Variants in KCTD8 observed in about 807,000 individuals in gnomAD.
The protein encoded by KCTD8 is BTB/POZ domain-containing protein KCTD8.
A neutral mutation model predicts 31.5 loss-of-function variants in KCTD8; 27 were observed. The observed-to-expected ratio is 0.86, with a 90% confidence interval of 0.63 to 1.18. KCTD8 has a LOEUF of 1.18. KCTD8 is among the 50% of genes most tolerant of loss of function. The probability of loss-of-function intolerance (pLI) is 0.00; values close to 1 mark genes in which losing one functional copy is unlikely to be tolerated. For synonymous variants in KCTD8, 290 were observed against 280.0 expected (o/e 1.04, Z -0.36); for missense variants, 658 against 647.7 (o/e 1.02, Z -0.17).
chr4:44,333,122 T>C (rs1352990986), intron 1 of KCTD8, among the ~76,000 whole-genome samples: 1 of 152,066 alleles, frequency 6.6e-6, no homozygotes, highest in Non-Finnish European at 1.5e-5. Context: ...AGTTCCTTCA[T>C]TATAATCATA....
At chr4:44,215,909 A>G (rs1714633961) in intron 1 of KCTD8, among the ~76,000 whole-genome samples, 2 of 152,218 alleles carry the variant, frequency 1.3e-5, no homozygotes, top group African/African-American at 4.8e-5. Flanking sequence ...ACATGTAATA[A>G]GAAGCTTTAA....
intron 1 of KCTD8, among the ~76,000 whole-genome samples, chr4:44,270,807 A>G (rs1716574116): frequency 6.6e-6 from 1 of 152,150 alleles, no homozygotes; most frequent in Non-Finnish European, 1.5e-5. Context: ...TCATGTCAAG[A>G]TGATTACAAT....
rs1577808880 is a variant in KCTD8, at chr4:44,174,731, G to C, written c.*59C>G. ...TGACCATTGTTAGGACATCAGTCAG[G>C]TGGTGACACTGTAGTAAACATTGAA... On this transcript the variant is annotated 3_prime_UTR_variant, in exon 2 of 2. Coordinates refer to ENST00000360029, the MANE Select transcript of KCTD8 (RefSeq NM_198353.3). The C allele has an allele frequency of 1.6e-6, 2 of 1,268,580 alleles. No individual in the cohort carries two copies. Among genetic ancestry groups the C allele is most frequent in the East Asian group, 4.6e-5 (2 of 43,210 alleles). The allele number at this position is 1,268,580 out of a possible 1,614,324, so 78.6% of individuals were successfully genotyped here.
At chr4:44,242,288 T>G (rs1423887455) in intron 1 of KCTD8, among the ~76,000 whole-genome samples, 2 of 152,200 alleles carry the variant, frequency 1.3e-5, no homozygotes, top group African/African-American at 4.8e-5. Flanking sequence ...GTTAAAAAAC[T>G]TGTTGATAGG....
intron 1 of KCTD8, among the ~76,000 whole-genome samples, chr4:44,366,487 T>A (rs1422169818): frequency 6.6e-6 from 1 of 152,250 alleles, no homozygotes; most frequent in Non-Finnish European, 1.5e-5. Context: ...CCTTCTGCTA[T>A]GATTTTAAGT....
At chr4:44,230,308 C>G (rs996194439) in intron 1 of KCTD8, among the ~76,000 whole-genome samples, 1 of 152,170 alleles carries the variant, frequency 6.6e-6, no homozygotes. Context: ...GCCATTTGTT[C>G]TGCCCACGAC....
At chr4:44,233,575 A>T (rs1284737073) in intron 1 of KCTD8, among the ~76,000 whole-genome samples, 1 of 152,172 alleles carries the variant, frequency 6.6e-6, no homozygotes, top group Admixed American at 6.5e-5. Context: ...AGATATGATG[A>T]ACTGAAGGAC....
chr4:44,350,543 C>T (rs1359557572), intron 1 of KCTD8, among the ~76,000 whole-genome samples: 1 of 152,016 alleles, frequency 6.6e-6, no homozygotes, highest in African/African-American at 2.4e-5. Context: ...AATAGCAGCT[C>T]CTAAAAAGTA....
chr4:44,408,192 A>G (rs2109461602), intron 1 of KCTD8, among the ~76,000 whole-genome samples: 1 of 152,320 alleles, frequency 6.6e-6, no homozygotes. Context: ...GCCTAATTCT[A>G]TACCCAATGA....
At chr4:44,301,755 C>T (rs1042695090) in intron 1 of KCTD8, among the ~76,000 whole-genome samples, 1 of 152,136 alleles carries the variant, frequency 6.6e-6, no homozygotes. Flanking sequence ...GCTTTTGTTG[C>T]CATTGCTTTT....
At chr4:44,202,070 C>G (rs1714166118) in intron 1 of KCTD8, among the ~76,000 whole-genome samples, 1 of 151,912 alleles carries the variant, frequency 6.6e-6, no homozygotes, top group Admixed American at 6.6e-5. Context: ...AAAGACAAGT[C>G]AATCAAAACC....
chr4:44,366,386 C>T (rs1017206710), intron 1 of KCTD8, among the ~76,000 whole-genome samples: 6 of 152,126 alleles, frequency 3.9e-5, no homozygotes, highest in African/African-American at 1.4e-4. Context: ...TGAGTTCTCA[C>T]AAGATCTGAT....
intron 1 of KCTD8, among the ~76,000 whole-genome samples, chr4:44,330,075 C>T (rs184429252): frequency 1.3e-5 from 2 of 151,968 alleles, no homozygotes; most frequent in Admixed American, 6.6e-5. Flanking sequence ...ATGCAATGAA[C>T]ATGTCAGCTT....
chr4:44,263,153 T>A (rs1452178395), intron 1 of KCTD8, among the ~76,000 whole-genome samples: 1 of 152,148 alleles, frequency 6.6e-6, no homozygotes. Flanking sequence ...CTTTTTATAT[T>A]TTTATAATCT....
chr4:44,431,839 T>C (rs1214554753), intron 1 of KCTD8, among the ~76,000 whole-genome samples: 2 of 151,566 alleles, frequency 1.3e-5, no homozygotes, highest in Admixed American at 1.3e-4. Flanking sequence ...TTTTTATTAT[T>C]TGTTCCACGA....
intron 1 of KCTD8, among the ~76,000 whole-genome samples, chr4:44,197,531 A>C (rs1455157394): frequency 6.6e-6 from 1 of 152,216 alleles, no homozygotes; most frequent in Non-Finnish European, 1.5e-5. Context: ...TCTATTGAAT[A>C]GCAGCTCAAA....
chr4:44,411,567 T>C (rs1207640275), intron 1 of KCTD8, among the ~76,000 whole-genome samples: 1 of 152,108 alleles, frequency 6.6e-6, no homozygotes, highest in East Asian at 1.9e-4. Flanking sequence ...TGTTATGGGT[T>C]GAAGAATTTT....
chr4:44,351,959 CTTTTATTTATTTATTTA>C (rs1719215359), intron 1 of KCTD8, among the ~76,000 whole-genome samples: 1 of 151,868 alleles, frequency 6.6e-6, no homozygotes, highest in Admixed American at 6.6e-5. Context: ...ATAAGTATTT[CTTTTATTTATTTATTTA>C]TTTTATTTAT....
At chr4:44,304,410 T>C (rs1045523350) in intron 1 of KCTD8, among the ~76,000 whole-genome samples, 2 of 152,172 alleles carry the variant, frequency 1.3e-5, no homozygotes, top group Admixed American at 6.5e-5. Flanking sequence ...TTTCTACCAC[T>C]TCAAGCATCA....
Sources: allele counts gnomAD v4.1 joint callset (sites outside exome capture counted in the v4.1 genomes callset), GRCh38; gene constraint gnomAD v4.1.1; transcripts MANE v1.5; gene names NCBI Gene and HGNC (gene_info 2026-07-23, HGNC 2026-07-21).